Variants in CFAP47 observed in about 807,000 individuals in gnomAD.
The protein encoded by CFAP47 is cilia- and flagella-associated protein 47.
Under a neutral mutation model 148.1 loss-of-function variants are expected in CFAP47, and 29 were observed. The observed-to-expected ratio is 0.20, with a 90% confidence interval of 0.15 to 0.27. The LOEUF is 0.27. CFAP47 is among the 10% of genes least tolerant of loss of function. CFAP47 has a pLI of 1.00. For synonymous variants in CFAP47, 664 were observed against 577.3 expected (o/e 1.15, Z -2.15); for missense variants, 1,872 against 1,697.5 (o/e 1.10, Z -1.81).
In CFAP47 at chrX:35,983,790, C is replaced by A. The variant is rs929412188; in HGVS notation, c.2714-5529C>A. On this transcript the variant is annotated intron_variant, in intron 15 of 63. Coordinates refer to ENST00000378653, the MANE Select transcript of CFAP47 (RefSeq NM_001304548.2). ...TATTGATTTGTGTATGTTGAACCAA[C>A]CTGTGTCTCTTGGGATAAAGCCTAC... is the stretch of plus-strand genomic sequence containing the variant. 3.6e-5 allele frequency among the ~76,000 whole-genome samples: 4 copies of A among 111,823 alleles called. No individual in the cohort carries two copies. The South Asian group carries it at 1.5e-3, about 41-fold the overall frequency.
At chrX:35,967,251 C>T (rs1458841388) in intron 9 of CFAP47, among the ~76,000 whole-genome samples, 2 of 110,709 alleles carry the variant, frequency 1.8e-5, no homozygotes, top group South Asian at 3.8e-4. Context: ...TTTGACTATT[C>T]TATGGATTTA....
In CFAP47 at chrX:36,228,695, A is replaced by C. The variant is rs1940299859; in HGVS notation, c.6885A>C (p.Lys2295Asn). The change falls in exon 46 of 64, where the codon AAA becomes AAC. Residue 2295 changes from lysine to asparagine, a missense_variant. Lys to Asn is a moderately conservative substitution (Grantham distance 94). Coordinates refer to ENST00000378653, the MANE Select transcript of CFAP47 (RefSeq NM_001304548.2). Reference protein sequence around the residue: ...LPLQSGRYPCKILLKSRYDVR... With the variant: ...LPLQSGRYPCNILLKSRYDVR... ...TCCAATCTGGACGCTACCCTTGTAA[A>C]ATTTTATTGAAATCAAGGTATGATG... 1 of 523,312 alleles carries C rather than the reference A, an allele frequency of 1.9e-6. No homozygotes were observed. Among genetic ancestry groups the C allele is most frequent in the Non-Finnish European group, 3.5e-6 (1 of 286,052 alleles). The allele number at this position is 523,312 out of a possible 1,213,427, so 43.1% of individuals were successfully genotyped here.
chrX:36,145,987 G>T (rs1939227753), intron 36 of CFAP47, among the ~76,000 whole-genome samples: 1 of 110,241 alleles, frequency 9.1e-6, no homozygotes, highest in African/African-American at 3.3e-5. Context: ...AAATACTGAG[G>T]TTCAATCTCT....
At chrX:36,295,963 C>T (rs904298680) in intron 51 of CFAP47, among the ~76,000 whole-genome samples, 1 of 111,779 alleles carries the variant, frequency 8.9e-6, no homozygotes, top group Admixed American at 9.6e-5. Context: ...TTGAGTCTTG[C>T]TATTTTCAAA....
chrX:36,220,273 T>A (rs1940200459), intron 45 of CFAP47, among the ~76,000 whole-genome samples: 1 of 111,246 alleles, frequency 9.0e-6, no homozygotes, highest in Admixed American at 9.6e-5. Context: ...TTGGGTCCTA[T>A]CCCTAAGTTA....
intron 39 of CFAP47, among the ~76,000 whole-genome samples, chrX:36,176,141 G>A (rs1482008415): frequency 8.8e-6 from 1 of 113,064 alleles, no homozygotes; most frequent in Non-Finnish European, 1.9e-5. Context: ...GTGAGGCAAT[G>A]CCTCACCCTG....
At chrX:36,134,652 A>T (rs754731725) in intron 33 of CFAP47, among the ~76,000 whole-genome samples, 2 of 111,536 alleles carry the variant, frequency 1.8e-5, no homozygotes, top group South Asian at 7.5e-4. Flanking sequence ...CATAGATCTA[A>T]ATGTAAACCC....
intron 48 of CFAP47, among the ~76,000 whole-genome samples, chrX:36,242,753 A>G (rs1364735811): frequency 8.9e-6 from 1 of 112,227 alleles, no homozygotes; most frequent in Non-Finnish European, 1.9e-5. Flanking sequence ...TGGAAAATAT[A>G]TTTGAGGATA....
At chrX:36,083,996 A>G (rs1376828114) in intron 29 of CFAP47, among the ~76,000 whole-genome samples, 1 of 110,866 alleles carries the variant, frequency 9.0e-6, no homozygotes, top group African/African-American at 3.3e-5. Flanking sequence ...CAAATGTTGC[A>G]GTATGAATAC....
chrX:36,003,967 C>CT (rs761024902), intron 21 of CFAP47, among the ~76,000 whole-genome samples: 3,482 of 66,335 alleles, frequency 0.052, 439 homozygotes, highest in African/African-American at 0.2. Context: ...CTTTCTTTTT[C>CT]TTTTTTTTTT....
intron 8 of CFAP47, among the ~76,000 whole-genome samples, chrX:35,958,830 C>T (rs1473994189): frequency 8.9e-6 from 1 of 112,010 alleles, no homozygotes; most frequent in Non-Finnish European, 1.9e-5. Context: ...AATCAACCCA[C>T]CTTAAAATAG....
At chrX:35,937,118 T>G (rs921827755) in intron 2 of CFAP47, among the ~76,000 whole-genome samples, 6 of 65,041 alleles carry the variant, frequency 9.2e-5, no homozygotes, top group Non-Finnish European at 1.6e-4. Context: ...TTTTTTTTTT[T>G]TTTTTTTTTT....
intron 33 of CFAP47, among the ~76,000 whole-genome samples, chrX:36,109,511 C>T (rs2146801492): frequency 9.0e-6 from 1 of 111,430 alleles, no homozygotes; most frequent in African/African-American, 3.3e-5. Flanking sequence ...GAGTCTAGCT[C>T]TGTCACCAGG....
intron 25 of CFAP47, among the ~76,000 whole-genome samples, chrX:36,040,555 T>A (rs1937390991): frequency 9.0e-6 from 1 of 111,688 alleles, no homozygotes; most frequent in South Asian, 3.7e-4. Context: ...ATAGTTATAA[T>A]TCAAGTCTCA....
chrX:36,368,730 A>AAAG (rs1941902004), intron 62 of CFAP47, among the ~76,000 whole-genome samples: 1 of 111,735 alleles, frequency 8.9e-6, no homozygotes, highest in South Asian at 3.7e-4. Context: ...CCTCATTTAT[A>AAAG]AAGTGGAGAT....
chrX:36,095,971 T>C (rs1439837488), intron 30 of CFAP47, among the ~76,000 whole-genome samples: 1 of 111,364 alleles, frequency 9.0e-6, no homozygotes, highest in Non-Finnish European at 1.9e-5. Flanking sequence ...ATTTTCTTCT[T>C]TTTGAAGTAT....
At chrX:36,235,883 A>G (rs1940457436) in intron 46 of CFAP47, 51 bp from the exon 47 acceptor site, 3 of 412,970 alleles carry the variant, frequency 7.3e-6, no homozygotes, top group South Asian at 5.2e-5. Context: ...ATGTAATTCA[A>G]TTTCATCAAT....
intron 52 of CFAP47, among the ~76,000 whole-genome samples, chrX:36,299,680 G>A (rs1569312046): frequency 9.0e-6 from 1 of 111,058 alleles, no homozygotes; most frequent in Admixed American, 9.6e-5. Context: ...ACCTCCCAGC[G>A]CCTGGTAACA....
chrX:36,111,995 GTCT>G (rs1322745047), intron 33 of CFAP47, among the ~76,000 whole-genome samples: 1 of 111,254 alleles, frequency 9.0e-6, no homozygotes, highest in Non-Finnish European at 1.9e-5. Flanking sequence ...CTTCTCTCTT[GTCT>G]TCTTTATTAT....
Sources: allele counts gnomAD v4.1 joint callset (sites outside exome capture counted in the v4.1 genomes callset), GRCh38; gene constraint gnomAD v4.1.1; transcripts MANE v1.5; gene names NCBI Gene and HGNC (gene_info 2026-07-23, HGNC 2026-07-21).